ACOX3: variants seen among roughly 807,000 people sequenced by gnomAD.
ACOX3 encodes peroxisomal acyl-coenzyme A oxidase 3.
Under a neutral mutation model 81.5 loss-of-function variants are expected in ACOX3, and 73 were observed. The observed-to-expected ratio is 0.90, with a 90% CI of 0.74 to 1.09. The LOEUF (loss-of-function observed/expected upper bound fraction) is 1.09. Among genes scored for constraint, ACOX3 ranks in the 50% least tolerant of loss-of-function variants. ACOX3 has a pLI of 0.00. For synonymous variants in ACOX3, 387 were observed against 375.1 expected (o/e 1.03, Z -0.37); for missense variants, 947 against 928.0 (o/e 1.02, Z -0.27).
chr4:8,358,439 AG>A, the ACOX3 span: 1 of 150,560 alleles, frequency 6.6e-6, no homozygotes, highest in Admixed American at 6.7e-5. Flanking sequence ...ATTGCCAATC[AG>A]GAAATTTTTG....
rs998386672 is a variant in ACOX3, at chr4:8,375,051, C to A, written c.1755G>T (p.Arg585=). 4 of 1,554,896 alleles carry A rather than the reference C, an allele frequency of 2.6e-6. No individual in the cohort carries two copies. In the Admixed American group the frequency reaches 5.9e-5, roughly 23 times the overall value. Residue 585 remains arginine (R), a synonymous_variant, in exon 15 of 18, where the codon CGG becomes CGT. Coordinates refer to ENST00000356406, the MANE Select transcript of ACOX3 (RefSeq NM_003501.3). ...VHQPSVPPSL[R]AVLGRLSALY... is the part of the protein sequence containing the mutation. Reference sequence around the variant, plus strand: ...GAGCACTGAGCCGCCCCAGCACGGCCCGCAGCGAGGGCGGCACGGAAGGCT... The same window carrying A: ...GAGCACTGAGCCGCCCCAGCACGGCACGCAGCGAGGGCGGCACGGAAGGCT...
At chr4:8,398,772 A>G (rs1720013598) in intron 8 of ACOX3, among the ~76,000 whole-genome samples, 3 of 152,180 alleles carry the variant, frequency 2.0e-5, no homozygotes, top group Non-Finnish European at 4.4e-5. Flanking sequence ...CACTGCACCC[A>G]GCCTTCATTT....
Position 8,373,639 on chromosome 4 carries a change from A to G in ACOX3, c.1829-11T>C, listed in dbSNP as rs1411909100. On this transcript the variant is annotated splice_polypyrimidine_tract_variant and intron_variant, in intron 15 of 17. Transcript: ENST00000356406. ...CGGAGAAGTATCCTCCTGCAAGCAC[A>G]GCCTCGGTCACATGGGGGCTGGGTC... is the stretch of plus-strand genomic sequence containing the variant. The G allele has an allele frequency of 6.2e-7, 1 of 1,608,994 alleles. No individual in the cohort carries two copies. The highest frequency in any genetic ancestry group is 8.5e-7 in the Non-Finnish European group (1 of 1,177,856).
In ACOX3 at chr4:8,381,443, G is replaced by C; in HGVS notation, c.1653+49C>G. On this transcript the variant is annotated intron_variant, in intron 14 of 17. Coordinates refer to ENST00000356406, the MANE Select transcript of ACOX3 (RefSeq NM_003501.3). The surrounding 1 kb of genome is among the most constrained non-coding windows in gnomAD (Gnocchi z 4.3). ...AACTCCCAGGGACACAACGGCCAGG[G>C]AATTAAGAGCAAATAATACAAAAGG... The C allele has an allele frequency of 6.5e-7, 1 of 1,546,508 alleles. No homozygotes were observed. Among genetic ancestry groups the C allele is most frequent in the South Asian group, 1.1e-5 (1 of 88,576 alleles).
chr4:8,403,816 G>A (rs976636826), intron 7 of ACOX3, among the ~76,000 whole-genome samples: 1 of 152,216 alleles, frequency 6.6e-6, no homozygotes, highest in Non-Finnish European at 1.5e-5. Flanking sequence ...CCAAAATAAT[G>A]TCAAAGCCTC....
In ACOX3 at chr4:8,416,265, G is replaced by C. The variant is rs551577265; in HGVS notation, c.144+113C>G. On this transcript the variant is annotated intron_variant, in intron 2 of 17. Transcript: ENST00000356406. This position sits in a 1 kb window ranked among gnomAD's most constrained non-coding sequence, Gnocchi z 4.2. ...GAGAGGAGAGAGGCCGCGCTGCCTG[G>C]GATGAGCCTCGCCCGGCAGAGGAGG... 1.0e-5 allele frequency: 16 copies of C among 1,574,144 alleles called. No individual in the cohort carries two copies. In the East Asian group the frequency reaches 3.6e-4, roughly 35 times the overall value.
At position 8,370,037 on chromosome 4, in the gene ACOX3, G is replaced by A. The variant is rs1404861580; in HGVS notation, c.1983+871C>T. Among the ~76,000 whole-genome samples the A allele has an allele frequency of 2.0e-5, 3 of 152,236 alleles. No individual in the cohort carries two copies. The highest frequency in any genetic ancestry group is 2.0e-4 in the Admixed American group (3 of 15,292). ...CAGGTGGGAGGGAGACACAAGGTCA[G>A]TGATGAGGCCAGCAAGGGCAGCACT... On this transcript the variant is annotated intron_variant, in intron 17 of 17. Coordinates refer to ENST00000356406, the MANE Select transcript of ACOX3 (RefSeq NM_003501.3). The surrounding 1 kb of genome is among the most constrained non-coding windows in gnomAD (Gnocchi z 6.3).
rs553368094 is a variant in ACOX3, at chr4:8,372,103, C to T, written c.1897-1109G>A. Among the ~76,000 whole-genome samples the T allele has an allele frequency of 3.3e-5, 5 of 152,252 alleles. No homozygotes were observed. In the East Asian group the frequency reaches 9.7e-4, roughly 29 times the overall value. ...AGCCTCACTGGGAAATCAGTTGTGG[C>T]TGTCATTTTTTTGAGACGGGGTCTT... is the stretch of plus-strand genomic sequence containing the variant. On this transcript the variant is annotated intron_variant, in intron 16 of 17. Transcript: ENST00000356406.
chr4:8,429,253 G>A (rs1443135021), intron 1 of ACOX3, among the ~76,000 whole-genome samples: 1 of 152,222 alleles, frequency 6.6e-6, no homozygotes, highest in Non-Finnish European at 1.5e-5. Flanking sequence ...TTAGCCAGCG[G>A]CCAAGAGACA....
intron 1 of ACOX3, among the ~76,000 whole-genome samples, chr4:8,418,008 A>G (rs1722526826): frequency 6.6e-6 from 1 of 152,238 alleles, no homozygotes; most frequent in Non-Finnish European, 1.5e-5. Context: ...AAATCTGAAC[A>G]GATCTATAAT....
chr4:8,440,539 C>T (rs1247881375), intron 1 of ACOX3, 109 bp downstream of exon 1: 1 of 397,772 alleles, frequency 2.5e-6, no homozygotes, highest in Admixed American at 4.7e-5. Flanking sequence ...GTAATCAGTA[C>T]TGAGGACAAT....
chr4:8,388,479 G>A (rs895266331), intron 13 of ACOX3, among the ~76,000 whole-genome samples: 18 of 152,382 alleles, frequency 1.2e-4, no homozygotes, highest in Middle Eastern at 3.4e-3. Flanking sequence ...AGTCTACAGG[G>A]AAGCTGCTTT....
intron 1 of ACOX3, among the ~76,000 whole-genome samples, chr4:8,420,596 A>G (rs1170584374): frequency 6.6e-6 from 1 of 152,238 alleles, no homozygotes; most frequent in Non-Finnish European, 1.5e-5. Flanking sequence ...TGATCAGGAT[A>G]TAAACCCAGG....
intron 13 of ACOX3, among the ~76,000 whole-genome samples, chr4:8,387,350 G>A (rs1424506554): frequency 1.3e-5 from 2 of 152,186 alleles, no homozygotes; most frequent in Non-Finnish European, 2.9e-5. Context: ...GATCAACCCC[G>A]GCAGCCTGGC....
At chr4:8,357,415 A>G in the ACOX3 span, 2 of 357,242 alleles carry the variant, frequency 5.6e-6, no homozygotes, top group Admixed American at 7.4e-5. Flanking sequence ...CCAAAAGTAA[A>G]TCAATTAAAT....
At chr4:8,355,325 C>T in the ACOX3 span, 6 of 152,142 alleles carry the variant, frequency 3.9e-5, no homozygotes, top group African/African-American at 7.2e-5. Flanking sequence ...AGATGAGAAA[C>T]GAGGCTTTAT....
In ACOX3 at chr4:8,369,600, C is replaced by T. The variant is rs535644552; in HGVS notation, c.1983+1308G>A. Among the ~76,000 whole-genome samples, 20 of 152,342 alleles carry T rather than the reference C, an allele frequency of 1.3e-4. 1 individual carries two copies. The South Asian group carries it at 2.5e-3, about 19-fold the overall frequency. ...ACTCTCACCTCCTGCCCTGCCCACC[C>T]GGCTCCTGGCACTACCTGCCTCTTG... On this transcript the variant is annotated intron_variant, in intron 17 of 17. Coordinates refer to ENST00000356406, the MANE Select transcript of ACOX3 (RefSeq NM_003501.3).
rs1578896709 is a variant in ACOX3, at chr4:8,389,386, A to C, written c.1424-100T>G. On this transcript the variant is annotated intron_variant, in intron 12 of 17. Transcript: ENST00000356406. This position sits in a 1 kb window ranked among gnomAD's most constrained non-coding sequence, Gnocchi z 5.3. ...CCAAAGCACAGAGAGTGTCCAGAGG[A>C]CCCGACGGCCACAGACCCACAGGCG... is the stretch of plus-strand genomic sequence containing the variant. 1 of 1,336,098 alleles carries C rather than the reference A, an allele frequency of 7.5e-7. No homozygotes were observed. 82.8% of individuals were successfully genotyped at this position (1,336,098 alleles called of 1,614,324 possible).
chr4:8,393,826 A>G (rs1719351242), intron 10 of ACOX3, among the ~76,000 whole-genome samples: 1 of 152,190 alleles, frequency 6.6e-6, no homozygotes, highest in Non-Finnish European at 1.5e-5. Flanking sequence ...GTCAGCTGGC[A>G]AAAGCTCCAC....
Sources: allele counts gnomAD v4.1 joint callset (sites outside exome capture counted in the v4.1 genomes callset), GRCh38; gene constraint gnomAD v4.1.1; non-coding constraint Gnocchi (gnomAD v3.1); transcripts MANE v1.5; gene names NCBI Gene and HGNC (gene_info 2026-07-23, HGNC 2026-07-21).